MAPK8: variants seen among roughly 807,000 people sequenced by gnomAD.
MAPK8 encodes mitogen-activated protein kinase 8.
MAPK8 carries 13 observed loss-of-function variants against 52.9 expected under a neutral mutation model. That is an observed-to-expected ratio of 0.25 (90% CI 0.16 to 0.39). The LOEUF (loss-of-function observed/expected upper bound fraction) is 0.39, where lower values mean the gene tolerates loss of function less well. MAPK8 is among the 10% of genes least tolerant of loss of function. MAPK8 has a pLI of 1.00. For synonymous variants in MAPK8, 191 were observed against 169.8 expected (o/e 1.12, Z -0.97); for missense variants, 300 against 519.2 (o/e 0.58, Z 4.10).
chr10:48,398,912 A>G (rs2042020178), intron 1 of MAPK8, among the ~76,000 whole-genome samples: 1 of 152,210 alleles, frequency 6.6e-6, no homozygotes, highest in Admixed American at 6.5e-5. Context: ...AATGTTTTAT[A>G]TCATGATTTT....
chr10:48,342,663 C>T (rs1335400448), intron 1 of MAPK8, among the ~76,000 whole-genome samples: 2 of 152,148 alleles, frequency 1.3e-5, no homozygotes, highest in African/African-American at 4.8e-5. Flanking sequence ...ACAGTATAAT[C>T]AACCTGTTGT....
At chr10:48,404,464 A>C (rs550637235) in intron 2 of MAPK8, among the ~76,000 whole-genome samples, 1 of 152,252 alleles carries the variant, frequency 6.6e-6, no homozygotes, top group African/African-American at 2.4e-5. Flanking sequence ...CCTCGTATGC[A>C]TTCTTTATCC....
rs1185435366 is a variant in MAPK8, at chr10:48,426,448, G to A, written c.940G>A (p.Glu314Lys). 1 of 1,611,956 alleles carries A rather than the reference G, an allele frequency of 6.2e-7. No individual in the cohort carries two copies. The highest frequency in any genetic ancestry group is 8.5e-7 in the Non-Finnish European group (1 of 1,179,104). ...IDASKRISVD[E>K]ALQHPYINVW... The stretch of plus-strand genomic sequence containing the variant: ...TGCATCTAAAAGGATCTCTGTAGAT[G>A]AAGCTCTCCAACACCCGTACATCAA... The change falls in exon 9 of 12, where the codon GAA (glutamate) becomes AAA (lysine). Residue 314 changes from glutamate (E) to lysine (K), a missense_variant. Physicochemically the swap from Glu to Lys is moderately conservative, Grantham distance 56. Coordinates refer to ENST00000374189, the MANE Select transcript of MAPK8 (RefSeq NM_001323329.2).
At chr10:48,334,392 T>C in intron 1 of MAPK8, among the ~76,000 whole-genome samples, 1 of 152,100 alleles carries the variant, frequency 6.6e-6, no homozygotes, top group East Asian at 1.9e-4. Flanking sequence ...GAACTGCAGA[T>C]TGGGACTCTG....
chr10:48,385,848 C>T (rs985577417), intron 1 of MAPK8, among the ~76,000 whole-genome samples: 8 of 152,004 alleles, frequency 5.3e-5, no homozygotes, highest in African/African-American at 1.9e-4. Context: ...ATTTTGAGAT[C>T]ATTTGTAACA....
At chr10:48,339,345 C>G (rs925991701) in intron 1 of MAPK8, among the ~76,000 whole-genome samples, 1 of 152,072 alleles carries the variant, frequency 6.6e-6, no homozygotes, top group African/African-American at 2.4e-5. Context: ...AAAGGATACC[C>G]TATTCAATAA....
At chr10:48,312,816 A>G (rs1478733107) in intron 1 of MAPK8, among the ~76,000 whole-genome samples, 1 of 152,230 alleles carries the variant, frequency 6.6e-6, no homozygotes, top group Non-Finnish European at 1.5e-5. Flanking sequence ...TTTACATTTT[A>G]TATTTTGACT....
At chr10:48,357,135 T>C (rs1847058144) in intron 1 of MAPK8, among the ~76,000 whole-genome samples, 1 of 152,060 alleles carries the variant, frequency 6.6e-6, no homozygotes, top group South Asian at 2.1e-4. Flanking sequence ...ATAATCACAG[T>C]TGGAGGGTTT....
intron 1 of MAPK8, among the ~76,000 whole-genome samples, chr10:48,365,614 G>A (rs926314709): frequency 6.6e-6 from 1 of 152,032 alleles, no homozygotes; most frequent in Non-Finnish European, 1.5e-5. Flanking sequence ...CCAAAATAAC[G>A]ATAAACTAAA....
At chr10:48,431,630 A>G (rs1287910520) in intron 11 of MAPK8, among the ~76,000 whole-genome samples, 1 of 152,220 alleles carries the variant, frequency 6.6e-6, no homozygotes, top group Non-Finnish European at 1.5e-5. Context: ...TCACTGCAAA[A>G]TTTAGTACAT....
At chr10:48,410,356 A>G (rs777942887) in intron 5 of MAPK8, 188 bp downstream of exon 5, 2 of 415,940 alleles carry the variant, frequency 4.8e-6, no homozygotes, top group Non-Finnish European at 8.3e-6. Flanking sequence ...GCAGTTGTGC[A>G]TCTTTGCCCT....
chr10:48,313,074 G>A (rs1842127712), intron 1 of MAPK8, among the ~76,000 whole-genome samples: 1 of 152,152 alleles, frequency 6.6e-6, no homozygotes. Flanking sequence ...CATCTACCGT[G>A]TTATCCAAAA....
chr10:48,419,804 A>G (rs2043253198), intron 5 of MAPK8, among the ~76,000 whole-genome samples: 1 of 152,256 alleles, frequency 6.6e-6, no homozygotes, highest in African/African-American at 2.4e-5. Flanking sequence ...ATGCAAATGA[A>G]TATAAATGCT....
intron 1 of MAPK8, among the ~76,000 whole-genome samples, chr10:48,330,636 T>C (rs1464184715): frequency 2.0e-5 from 3 of 152,162 alleles, no homozygotes; most frequent in African/African-American, 7.2e-5. Flanking sequence ...AGATCAGGTG[T>C]CTGGTAGGCA....
intron 9 of MAPK8, chr10:48,426,759 G>T: frequency 2.0e-6 from 1 of 497,146 alleles, no homozygotes; most frequent in Non-Finnish European, 3.5e-6. Flanking sequence ...GATGTTGAAT[G>T]CTCTGGGGGA....
At chr10:48,373,880 GC>G (rs2040486669) in intron 1 of MAPK8, among the ~76,000 whole-genome samples, 1 of 152,050 alleles carries the variant, frequency 6.6e-6, no homozygotes, top group South Asian at 2.1e-4. Flanking sequence ...GTTGAACTCA[GC>G]TCTGGACCAA....
In MAPK8 at chr10:48,427,648, C is replaced by T. The variant is rs2043768602; in HGVS notation, c.1060+505C>T. On this transcript the variant is annotated intron_variant, in intron 10 of 11. Transcript: ENST00000374189. ...CTGGGACTACAGGCGCCTGCCATCA[C>T]ACCCGGCTAATTTTTTTGTATTTTT... Among the ~76,000 whole-genome samples, 6 of 152,230 alleles carry T rather than the reference C, an allele frequency of 3.9e-5. No individual in the cohort carries two copies. In the South Asian group the frequency reaches 1.2e-3, roughly 32 times the overall value.
At chr10:48,319,577 C>G (rs1209480105) in intron 1 of MAPK8, among the ~76,000 whole-genome samples, 1 of 152,016 alleles carries the variant, frequency 6.6e-6, no homozygotes, top group African/African-American at 2.4e-5. Context: ...ACAGCCTCCA[C>G]CTCCCGGGTT....
intron 2 of MAPK8, among the ~76,000 whole-genome samples, chr10:48,402,314 A>G (rs1314436664): frequency 6.6e-6 from 1 of 152,202 alleles, no homozygotes; most frequent in African/African-American, 2.4e-5. Flanking sequence ...TCATGTATAC[A>G]TGTATTCCCA....
Sources: gnomAD v4.1 joint callset for allele counts (sites outside exome capture counted in the v4.1 genomes callset) on GRCh38, gnomAD v4.1.1 for gene constraint, MANE v1.5 for transcripts, NCBI Gene and HGNC (gene_info 2026-07-23, HGNC 2026-07-21) for gene names.